ADGRL3: variants seen among roughly 807,000 people sequenced by gnomAD.
The protein encoded by ADGRL3 is adhesion G protein-coupled receptor L3.
Under a neutral mutation model 153.5 loss-of-function variants are expected in ADGRL3, and 62 were observed. The ratio of observed to expected loss-of-function variants is 0.40; its 90% CI spans 0.33 to 0.50. ADGRL3 has a LOEUF of 0.50. Among genes scored for constraint, ADGRL3 ranks in the 20% least tolerant of loss-of-function variants. ADGRL3 has a pLI of 0.47. For missense variants in ADGRL3, 1,641 were observed against 1,859.4 expected (o/e 0.88, Z 2.16); for synonymous variants, 710 against 672.5 (o/e 1.06, Z -0.86).
At chr4:61,724,960 AT>A (rs1322994053) in intron 6 of ADGRL3, among the ~76,000 whole-genome samples, 1 of 151,842 alleles carries the variant, frequency 6.6e-6, no homozygotes, top group Non-Finnish European at 1.5e-5. Flanking sequence ...TTTTTCCTGT[AT>A]TTTATCTTCT....
At chr4:61,726,914 A>T (rs1046248380) in intron 6 of ADGRL3, among the ~76,000 whole-genome samples, 1 of 152,184 alleles carries the variant, frequency 6.6e-6, no homozygotes, top group Non-Finnish European at 1.5e-5. Context: ...AAAGAAAATA[A>T]AATTTAAACA....
chr4:61,231,463 A>G (rs1244669225), intron 1 of ADGRL3, among the ~76,000 whole-genome samples: 5 of 152,058 alleles, frequency 3.3e-5, no homozygotes, highest in African/African-American at 4.8e-5. Context: ...GAACACAGCC[A>G]GCCTCCCAGT....
intron 9 of ADGRL3, among the ~76,000 whole-genome samples, chr4:61,886,501 A>G (rs1390262133): frequency 1.3e-5 from 2 of 152,224 alleles, no homozygotes; most frequent in Non-Finnish European, 1.5e-5. Flanking sequence ...TTGTAAAGGG[A>G]AAACCATGAA....
chr4:62,031,338 A>G, intron 22 of ADGRL3, 104 bp from the exon 23 acceptor site: 8 of 940,674 alleles, frequency 8.5e-6, no homozygotes, highest in South Asian at 2.3e-5. Flanking sequence ...TCTGTCAATA[A>G]AAGTTACTGT....
At chr4:62,026,928 A>T (rs1361213977) in intron 21 of ADGRL3, among the ~76,000 whole-genome samples, 1 of 152,064 alleles carries the variant, frequency 6.6e-6, no homozygotes, top group Non-Finnish European at 1.5e-5. Flanking sequence ...TGTATCCAAG[A>T]TACACATAAT....
At chr4:61,787,248 T>A (rs2152415183) in intron 8 of ADGRL3, among the ~76,000 whole-genome samples, 1 of 152,298 alleles carries the variant, frequency 6.6e-6, no homozygotes, top group African/African-American at 2.4e-5. Context: ...TAATTGCATA[T>A]GCTATCCAGA....
At chr4:61,816,481 A>T (rs2097689758) in intron 9 of ADGRL3, among the ~76,000 whole-genome samples, 1 of 152,218 alleles carries the variant, frequency 6.6e-6, no homozygotes. Flanking sequence ...AGCAAATTCA[A>T]TTTAAGAGAG....
At chr4:61,780,908 G>A (rs578164805) in intron 8 of ADGRL3, among the ~76,000 whole-genome samples, 7 of 152,256 alleles carry the variant, frequency 4.6e-5, no homozygotes, top group African/African-American at 1.7e-4. Flanking sequence ...TCTTGACTTT[G>A]ATCCAACTAA....
intron 2 of ADGRL3, among the ~76,000 whole-genome samples, chr4:61,486,314 A>G (rs1017505516): frequency 6.6e-6 from 1 of 152,132 alleles, no homozygotes; most frequent in African/African-American, 2.4e-5. Context: ...ATTTCACAGG[A>G]TAAGGATGAT....
chr4:61,589,702 A>C (rs2098961630), intron 5 of ADGRL3, among the ~76,000 whole-genome samples: 1 of 152,102 alleles, frequency 6.6e-6, no homozygotes, highest in Non-Finnish European at 1.5e-5. Flanking sequence ...CCTTGTTTAA[A>C]AAGCCCATAA....
intron 8 of ADGRL3, among the ~76,000 whole-genome samples, chr4:61,797,992 G>A (rs2097435443): frequency 6.6e-6 from 1 of 152,158 alleles, no homozygotes; most frequent in Non-Finnish European, 1.5e-5. Flanking sequence ...AAAAGGCATA[G>A]CCTTCTAGAA....
chr4:61,755,418 T>C lies in ADGRL3; in HGVS notation c.1399+21864T>C, dbSNP rs7686999. On this transcript the variant is annotated intron_variant, in intron 8 of 26. Coordinates refer to ENST00000683033, the MANE Select transcript of ADGRL3 (RefSeq NM_001387552.1). The stretch of plus-strand genomic sequence containing the variant: ...GTCTTTCGGCTACATAAATGTCTTC[T>C]TTTGAGAAGTGTCTGTTCATATCCT... Among the ~76,000 whole-genome samples the C allele has an allele frequency of 5.4e-3, 820 of 152,362 alleles. 9 individuals are homozygous for C. The highest frequency in any genetic ancestry group is 0.018 in the African/African-American group (750 of 41,588).
At chr4:61,456,373 A>ATC (rs1232818373) in intron 2 of ADGRL3, among the ~76,000 whole-genome samples, 1 of 136,014 alleles carries the variant, frequency 7.4e-6, no homozygotes, top group African/African-American at 2.9e-5. Flanking sequence ...ATATAGATAT[A>ATC]TCTATATATA....
At chr4:61,274,475 G>C (rs552104730) in intron 1 of ADGRL3, among the ~76,000 whole-genome samples, 59 of 152,162 alleles carry the variant, frequency 3.9e-4, no homozygotes, top group Non-Finnish European at 5.0e-4. Flanking sequence ...GATTATTTAT[G>C]CTGTGTTCAG....
intron 1 of ADGRL3, among the ~76,000 whole-genome samples, chr4:61,329,833 T>C (rs540640302): frequency 2.0e-5 from 3 of 152,350 alleles, no homozygotes; most frequent in South Asian, 4.1e-4. Flanking sequence ...TCAAAGATTA[T>C]TGTCAGAAAA....
intron 15 of ADGRL3, among the ~76,000 whole-genome samples, chr4:61,937,212 T>TCCAATTACA (rs1344093250): frequency 6.6e-6 from 1 of 152,102 alleles, no homozygotes; most frequent in Non-Finnish European, 1.5e-5. Flanking sequence ...CCAGTTGACC[T>TCCAATTACA]CCAATTACAC....
intron 1 of ADGRL3, among the ~76,000 whole-genome samples, chr4:61,313,427 T>TA (rs2150572288): frequency 6.6e-6 from 1 of 152,226 alleles, no homozygotes; most frequent in East Asian, 1.9e-4. Flanking sequence ...TCATCAGCAG[T>TA]AAAAAATGTA....
chr4:61,287,531 A>T (rs981015081), intron 1 of ADGRL3, among the ~76,000 whole-genome samples: 2 of 152,026 alleles, frequency 1.3e-5, no homozygotes, highest in Admixed American at 6.6e-5. Flanking sequence ...GTTTGAATAA[A>T]TGTTACTGTT....
intron 6 of ADGRL3, among the ~76,000 whole-genome samples, chr4:61,694,150 G>T (rs2095590960): frequency 8.8e-6 from 1 of 113,124 alleles, no homozygotes. Flanking sequence ...CTATTTTTCT[G>T]TCCTATACTA....
Sources: allele counts gnomAD v4.1 joint callset (sites outside exome capture counted in the v4.1 genomes callset), GRCh38; gene constraint gnomAD v4.1.1; transcripts MANE v1.5; gene names NCBI Gene and HGNC (gene_info 2026-07-23, HGNC 2026-07-21).